MAP3K15: variants seen among roughly 807,000 people sequenced by gnomAD.
The protein encoded by MAP3K15 is MAPK/ERK kinase kinase 15.
A neutral mutation model predicts 99.5 loss-of-function variants in MAP3K15; 124 were observed. That is an observed-to-expected ratio of 1.25 (90% CI 1.08 to 1.45). The LOEUF (loss-of-function observed/expected upper bound fraction) is 1.45, where lower values mean the gene tolerates loss of function less well. Among genes scored for constraint, MAP3K15 ranks in the 40% most tolerant of loss-of-function variants. The pLI, the probability that MAP3K15 is intolerant of heterozygous loss-of-function variation, is 0.00. For missense variants in MAP3K15, 1,242 were observed against 1,079.7 expected (o/e 1.15, Z -2.11); for synonymous variants, 494 against 439.6 (o/e 1.12, Z -1.55).
intron 7 of MAP3K15, among the ~76,000 whole-genome samples, chrX:19,427,278 G>C (rs1300676914): frequency 9.0e-6 from 1 of 111,243 alleles, no homozygotes; most frequent in Non-Finnish European, 1.9e-5. Context: ...CAAGTAGCTG[G>C]GATTACAGAC....
intron 9 of MAP3K15, among the ~76,000 whole-genome samples, chrX:19,422,661 A>C (rs2063796913): frequency 1.8e-5 from 2 of 112,011 alleles, no homozygotes; most frequent in African/African-American, 6.5e-5. Context: ...CATTTGACCC[A>C]GCCATCCCAT....
intron 1 of MAP3K15, among the ~76,000 whole-genome samples, chrX:19,498,729 T>C (rs2064423205): frequency 8.9e-6 from 1 of 112,105 alleles, no homozygotes; most frequent in Admixed American, 9.5e-5. Context: ...GGGGCAAGAC[T>C]GGCATCCCAC....
intron 25 of MAP3K15, among the ~76,000 whole-genome samples, chrX:19,367,704 TCATTTGCTATAACTATG>T (rs1420409673): frequency 1.1e-5 from 1 of 93,614 alleles, no homozygotes; most frequent in African/African-American, 3.8e-5. Context: ...GAGTACCAAC[TCATTTGCTATAACTATG>T]GATTTTTTTT....
chrX:19,513,163 G>A (rs1190014459), intron 1 of MAP3K15, among the ~76,000 whole-genome samples: 4 of 111,692 alleles, frequency 3.6e-5, no homozygotes, highest in Non-Finnish European at 7.5e-5. Context: ...AAGGTGACGT[G>A]TCTGTTGTGT....
In MAP3K15 at chrX:19,360,828, C is replaced by T; in HGVS notation, c.3863G>A (p.Gly1288Asp). Residue 1288 changes from glycine (G) to aspartate (D), a missense_variant, in exon 29 of 29, where the codon GGT (glycine) becomes GAT (aspartate). By Grantham distance (94) the Gly-to-Asp change is moderately conservative. Coordinates refer to ENST00000338883, the MANE Select transcript of MAP3K15 (RefSeq NM_001001671.4). ...CGCACTCCAGAGTCTGCAGAGGAGA[C>T]CACCCCTGGGAAACAAACACAGCTG... is the stretch of plus-strand genomic sequence containing the variant. Reference protein sequence around the residue: ...EDLRYLRLRGGLLCRLWSAVS... With the variant: ...EDLRYLRLRGDLLCRLWSAVS... 1.7e-6 allele frequency: 2 copies of T among 1,200,843 alleles called. No homozygotes were observed. Among genetic ancestry groups the T allele is most frequent in the Non-Finnish European group, 2.2e-6 (2 of 889,694 alleles).
rs1480707969 is a variant in MAP3K15, at chrX:19,464,410, G to C, written c.526-4C>G. 3.4e-6 allele frequency: 4 copies of C among 1,167,429 alleles called. No individual in the cohort carries two copies. Among genetic ancestry groups the C allele is most frequent in the Non-Finnish European group, 1.1e-6 (1 of 873,455 alleles). Reference sequence around the variant, plus strand: ...AATAATAATTTCCACTGGATGCCTGGAAAAAAGAAACAAAGATGTTCCAGA... The same window carrying C: ...AATAATAATTTCCACTGGATGCCTGCAAAAAAGAAACAAAGATGTTCCAGA... On this transcript the variant is annotated splice_region_variant and splice_polypyrimidine_tract_variant and intron_variant, in intron 3 of 28. Transcript: ENST00000338883.
At chrX:19,380,729 T>C (rs2063453403) in intron 18 of MAP3K15, among the ~76,000 whole-genome samples, 1 of 112,465 alleles carries the variant, frequency 8.9e-6, no homozygotes, top group African/African-American at 3.2e-5. Context: ...TTTTACCATG[T>C]GGGCCAGGCT....
intron 18 of MAP3K15, among the ~76,000 whole-genome samples, chrX:19,386,146 A>G (rs1021615686): frequency 8.1e-5 from 9 of 111,748 alleles, no homozygotes; most frequent in African/African-American, 2.9e-4. Flanking sequence ...ATCCTGGAAA[A>G]TTGGGTTTCC....
intron 4 of MAP3K15, among the ~76,000 whole-genome samples, chrX:19,463,286 G>A (rs896412802): frequency 1.8e-5 from 2 of 111,760 alleles, no homozygotes; most frequent in Admixed American, 1.9e-4. Context: ...GGATAGAAAA[G>A]GAGACCATTA....
intron 3 of MAP3K15, among the ~76,000 whole-genome samples, chrX:19,471,623 G>A (rs547754874): frequency 1.8e-5 from 2 of 111,232 alleles, no homozygotes; most frequent in African/African-American, 6.5e-5. Flanking sequence ...AACTCCAAGT[G>A]GGATAAAGGC....
chrX:19,364,338 A>G (rs2063319167), intron 25 of MAP3K15, among the ~76,000 whole-genome samples: 1 of 111,903 alleles, frequency 8.9e-6, no homozygotes, highest in Non-Finnish European at 1.9e-5. Flanking sequence ...GCCTTGGGGG[A>G]AAGGGCTGAC....
chrX:19,425,380 T>TTA, intron 9 of MAP3K15, 151 bp downstream of exon 9: 4 of 478,346 alleles, frequency 8.4e-6, no homozygotes, highest in Non-Finnish European at 9.6e-6. Flanking sequence ...TCCCTTCACA[T>TTA]AAAAGCAAGG....
intron 9 of MAP3K15, among the ~76,000 whole-genome samples, chrX:19,418,246 G>A (rs866076615): frequency 2.0e-4 from 22 of 111,267 alleles, no homozygotes; most frequent in African/African-American, 6.2e-4. Flanking sequence ...ACTACTCCGA[G>A]CTAAAGGAGG....
At chrX:19,420,563 T>G (rs1223531751) in intron 9 of MAP3K15, among the ~76,000 whole-genome samples, 1 of 111,196 alleles carries the variant, frequency 9.0e-6, no homozygotes, top group Non-Finnish European at 1.9e-5. Context: ...CCAAAAAAAG[T>G]CCAGGACCAG....
chrX:19,411,616 C>T (rs953180944), intron 11 of MAP3K15, among the ~76,000 whole-genome samples: 2 of 109,436 alleles, frequency 1.8e-5, no homozygotes, highest in African/African-American at 6.7e-5. Context: ...CAGGGGGTCA[C>T]GTTGTTCAAC....
intron 10 of MAP3K15, 49 bp from the exon 11 acceptor site, chrX:19,413,513 C>G (rs747157384): frequency 2.0e-6 from 2 of 976,653 alleles, no homozygotes; most frequent in Admixed American, 2.4e-5. Context: ...GAAAACATAG[C>G]GCACCCTGCC....
In MAP3K15 at chrX:19,404,671, G is replaced by A. The variant is rs187730543; in HGVS notation, c.1844+2517C>T. Among the ~76,000 whole-genome samples, 185 of 111,860 alleles carry A rather than the reference G, an allele frequency of 1.7e-3. 1 individual carries two copies. The highest frequency in any genetic ancestry group is 5.5e-3 in the African/African-American group (171 of 30,855). ...GAATAGACATACAAAACAATGGAACGGAATTGAGAGTCCAGAAATAAACTC... is the reference window on the plus strand; with the variant it reads ...GAATAGACATACAAAACAATGGAACAGAATTGAGAGTCCAGAAATAAACTC... On this transcript the variant is annotated intron_variant, in intron 13 of 28. Coordinates refer to ENST00000338883, the MANE Select transcript of MAP3K15 (RefSeq NM_001001671.4).
chrX:19,377,992 G>A (rs1449166495), intron 19 of MAP3K15, among the ~76,000 whole-genome samples: 2 of 112,171 alleles, frequency 1.8e-5, no homozygotes, highest in South Asian at 7.4e-4. Context: ...CGCCGGGCTG[G>A]AGAGAGCAGC....
chrX:19,399,738 C>CT (rs1569210940), intron 14 of MAP3K15, among the ~76,000 whole-genome samples: 1 of 42,825 alleles, frequency 2.3e-5, no homozygotes, highest in African/African-American at 1.4e-4. Flanking sequence ...GACTCTGTTT[C>CT]CAAAAAAAAA....
Sources: gnomAD v4.1 joint callset for allele counts (sites outside exome capture counted in the v4.1 genomes callset) on GRCh38, gnomAD v4.1.1 for gene constraint, MANE v1.5 for transcripts, NCBI Gene and HGNC (gene_info 2026-07-23, HGNC 2026-07-21) for gene names.